The following LPP variants were observed in gnomAD, a reference collection of about 807,000 sequenced individuals.
LPP encodes lipoma-preferred partner.
Under a neutral mutation model 60.4 loss-of-function variants are expected in LPP, and 38 were observed. The observed-to-expected ratio is 0.63, with a 90% CI of 0.49 to 0.83. The LOEUF (loss-of-function observed/expected upper bound fraction) is 0.83, where lower values mean the gene tolerates loss of function less well. Ranked by LOEUF, LPP falls within the 40% of genes least tolerant of loss-of-function variation. LPP has a pLI of 0.00. For synonymous variants in LPP, 328 were observed against 290.8 expected, an observed-to-expected ratio of 1.13 and a Z score of -1.30; for missense variants, 902 against 783.6, an observed-to-expected ratio of 1.15 and a Z score of -1.80.
intron 7 of LPP, among the ~76,000 whole-genome samples, chr3:188,614,503 G>T (rs1435536222): frequency 6.6e-6 from 1 of 152,116 alleles, no homozygotes; most frequent in East Asian, 1.9e-4. Context: ...ATTCCTCTTT[G>T]TACAGACTTT....
At chr3:188,804,243 TTATA>T (rs60989319) in intron 9 of LPP, among the ~76,000 whole-genome samples, 1,901 of 37,658 alleles carry the variant, frequency 0.05, 84 homozygotes, top group East Asian at 0.28. Flanking sequence ...TAGTGCATCT[TTATA>T]TATATATATA....
intron 2 of LPP, among the ~76,000 whole-genome samples, chr3:188,318,511 T>A (rs1755817371): frequency 6.6e-6 from 1 of 152,058 alleles, no homozygotes; most frequent in Non-Finnish European, 1.5e-5. Context: ...TTTCCTAAAG[T>A]CCTTTTCTTT....
At chr3:188,280,406 A>G (rs1351164503) in intron 2 of LPP, among the ~76,000 whole-genome samples, 1 of 152,152 alleles carries the variant, frequency 6.6e-6, no homozygotes, top group Non-Finnish European at 1.5e-5. Flanking sequence ...AATGGTTGCA[A>G]ATTTCATGGA....
intron 4 of LPP, among the ~76,000 whole-genome samples, chr3:188,446,676 G>A (rs1234601951): frequency 2.0e-5 from 3 of 152,012 alleles, no homozygotes; most frequent in African/African-American, 4.8e-5. Context: ...TGCTTTCATT[G>A]TTGTTCTCCA....
intron 9 of LPP, among the ~76,000 whole-genome samples, chr3:188,808,614 G>T (rs556905977): frequency 3.3e-5 from 5 of 152,018 alleles, no homozygotes; most frequent in Non-Finnish European, 7.4e-5. Flanking sequence ...CTGCTGTTCC[G>T]CTCCTGAAGC....
At chr3:188,522,340 CGT>C (rs1485587689) in intron 5 of LPP, among the ~76,000 whole-genome samples, 1 of 152,104 alleles carries the variant, frequency 6.6e-6, no homozygotes, top group African/African-American at 2.4e-5. Flanking sequence ...CCAGTGTGAG[CGT>C]GTGTGTGCAC....
intron 3 of LPP, among the ~76,000 whole-genome samples, chr3:188,367,837 G>T (rs959581120): frequency 3.3e-5 from 5 of 152,174 alleles, no homozygotes; most frequent in African/African-American, 1.2e-4. Flanking sequence ...TTAGATTCAG[G>T]TTTTGTCCAA....
At chr3:188,419,848 C>T (rs1480188514) in intron 4 of LPP, among the ~76,000 whole-genome samples, 2 of 152,138 alleles carry the variant, frequency 1.3e-5, no homozygotes, top group African/African-American at 4.8e-5. Flanking sequence ...CACTGCATTC[C>T]ATTCCAGCCT....
At chr3:188,591,557 C>A (rs371731268) in intron 6 of LPP, among the ~76,000 whole-genome samples, 72 of 152,296 alleles carry the variant, frequency 4.7e-4, no homozygotes, top group Non-Finnish European at 9.7e-4. Context: ...CTCTGGGAGC[C>A]TTTTTCCTTC....
intron 7 of LPP, among the ~76,000 whole-genome samples, chr3:188,634,068 A>T (rs953794411): frequency 1.3e-5 from 2 of 152,228 alleles, no homozygotes; most frequent in African/African-American, 4.8e-5. Flanking sequence ...AAAATATTCC[A>T]TATAAAGAAT....
At chr3:188,770,272 G>A (rs1224573303) in intron 9 of LPP, among the ~76,000 whole-genome samples, 7 of 146,654 alleles carry the variant, frequency 4.8e-5, no homozygotes, top group African/African-American at 1.0e-4. Flanking sequence ...TCCACCTGCC[G>A]GGTTCACGCC....
rs562480984 is a variant in LPP at position 188,703,659 on chromosome 3, A to T, written c.1114-4608A>T. Reference sequence around the variant, plus strand: ...CATAAGAAAAAAACAGGAATCCATAATTAGCATTAGATAAAAGAGTAGAAT... The same window carrying T: ...CATAAGAAAAAAACAGGAATCCATATTTAGCATTAGATAAAAGAGTAGAAT... On this transcript the variant is annotated intron_variant, in intron 7 of 11. Coordinates refer to ENST00000617246, the MANE Select transcript of LPP (RefSeq NM_001375462.1). Among the ~76,000 whole-genome samples, 7 of 152,354 alleles carry T rather than the reference A, an allele frequency of 4.6e-5. No individual in the cohort carries two copies. In the South Asian group the frequency reaches 1.4e-3, roughly 32 times the overall value.
intron 6 of LPP, among the ~76,000 whole-genome samples, chr3:188,551,621 T>C (rs75132093): frequency 1.4e-3 from 216 of 152,224 alleles, no homozygotes; most frequent in African/African-American, 5.1e-3. Flanking sequence ...TATACACTAA[T>C]AGAGATTACA....
intron 1 of LPP, among the ~76,000 whole-genome samples, chr3:188,195,273 G>GA: frequency 6.6e-6 from 1 of 151,278 alleles, no homozygotes; most frequent in Admixed American, 6.6e-5. Context: ...AAAAAAGAAA[G>GA]AAAAAAGAAA....
intron 2 of LPP, among the ~76,000 whole-genome samples, chr3:188,299,665 T>C (rs1444509854): frequency 6.6e-6 from 1 of 152,204 alleles, no homozygotes; most frequent in East Asian, 1.9e-4. Context: ...TTTTGATTCT[T>C]GGTTCTTGTT....
intron 9 of LPP, among the ~76,000 whole-genome samples, chr3:188,827,309 G>A: frequency 6.6e-6 from 1 of 152,120 alleles, no homozygotes; most frequent in East Asian, 1.9e-4. Context: ...GAATAATAGT[G>A]AGACACACAT....
intron 9 of LPP, among the ~76,000 whole-genome samples, chr3:188,800,246 CTT>C (rs33982362): frequency 1.0e-5 from 1 of 97,304 alleles, no homozygotes; most frequent in Non-Finnish European, 1.9e-5. Context: ...TTGAAGCTTT[CTT>C]TTTTTTTTTT....
At chr3:188,565,035 G>A (rs1831786970) in intron 6 of LPP, among the ~76,000 whole-genome samples, 2 of 151,802 alleles carry the variant, frequency 1.3e-5, no homozygotes, top group Admixed American at 1.3e-4. Flanking sequence ...ACACTGAAAA[G>A]CCTGAACCAA....
chr3:188,619,696 T>C (rs894566439), intron 7 of LPP, among the ~76,000 whole-genome samples: 1 of 152,240 alleles, frequency 6.6e-6, no homozygotes, highest in African/African-American at 2.4e-5. Flanking sequence ...AGAAAAACAT[T>C]GTTGACTGCT....
Sources: allele counts gnomAD v4.1 joint callset (sites outside exome capture counted in the v4.1 genomes callset), GRCh38; gene constraint gnomAD v4.1.1; transcripts MANE v1.5; gene names NCBI Gene and HGNC (gene_info 2026-07-23, HGNC 2026-07-21).